Variants in MAP3K15 observed in about 807,000 individuals in gnomAD.
MAP3K15 encodes MAPK/ERK kinase kinase 15.
In MAP3K15, 124 loss-of-function variants were observed where a neutral mutation model predicts 99.5. That is an observed-to-expected ratio of 1.25 (90% CI 1.08 to 1.45). The LOEUF is 1.45. MAP3K15 is among the 40% of genes most tolerant of loss of function. The probability of loss-of-function intolerance (pLI) is 0.00; values close to 1 mark genes in which losing one functional copy is unlikely to be tolerated. For missense variants in MAP3K15, 1,242 were observed against 1,079.7 expected, an observed-to-expected ratio of 1.15 and a Z score of -2.11; for synonymous variants, 494 against 439.6, an observed-to-expected ratio of 1.12 and a Z score of -1.55.
chrX:19,419,110 C>T (rs1162475419), intron 9 of MAP3K15, among the ~76,000 whole-genome samples: 3 of 112,083 alleles, frequency 2.7e-5, no homozygotes, highest in Non-Finnish European at 3.8e-5. Context: ...ACCATCAAGG[C>T]TAGGAAGAAA....
chrX:19,419,754 C>T (rs1020182811), intron 9 of MAP3K15, among the ~76,000 whole-genome samples: 1 of 111,881 alleles, frequency 8.9e-6, no homozygotes, highest in African/African-American at 3.3e-5. Flanking sequence ...CAGCACCACA[C>T]TGCACTTATT....
chrX:19,431,711 C>A (rs1482814518), intron 6 of MAP3K15, 103 bp from the exon 7 acceptor site: 1 of 661,752 alleles, frequency 1.5e-6, no homozygotes, highest in Non-Finnish European at 2.2e-6. Context: ...TTTGGGAGGC[C>A]GAAGCGGGTA....
chrX:19,463,412 C>G (rs2064145021), intron 4 of MAP3K15, among the ~76,000 whole-genome samples: 1 of 112,044 alleles, frequency 8.9e-6, no homozygotes, highest in South Asian at 3.7e-4. Flanking sequence ...TCAGCTCTGC[C>G]AGTGTTTGGG....
intron 1 of MAP3K15, among the ~76,000 whole-genome samples, chrX:19,500,157 GA>G (rs1279085385): frequency 8.9e-6 from 1 of 111,879 alleles, no homozygotes; most frequent in Non-Finnish European, 1.9e-5. Context: ...TGAGGGAAGA[GA>G]ATCGCTTGAA....
intron 1 of MAP3K15, among the ~76,000 whole-genome samples, chrX:19,490,865 C>A (rs1292460599): frequency 1.8e-5 from 2 of 111,461 alleles, no homozygotes; most frequent in Non-Finnish European, 3.8e-5. Flanking sequence ...TTAAATTACG[C>A]TTAGTAGTAT....
At chrX:19,429,070 C>T (rs2063857370) in intron 7 of MAP3K15, among the ~76,000 whole-genome samples, 1 of 111,053 alleles carries the variant, frequency 9.0e-6, no homozygotes, top group African/African-American at 3.3e-5. Flanking sequence ...TTGGAAAACT[C>T]CTTAGGAACT....
Position 19,486,498 on chromosome X carries a change from AC to A in MAP3K15, c.508del (p.Val170Ter). On this transcript the variant is annotated frameshift_variant, in exon 3 of 29. Transcript: ENST00000338883. LOFTEE classifies it high-confidence loss of function. ...ADTALSLKDMVTQKNTASSGN... is the reference protein window; with the variant it reads ...ADTALSLKDMXTQKNTASSGN... ...AATACTTACTGTGTTTTTTTGAGTTACCATGTCCTGAAAAGAAAAAGAAAAG... is the reference window on the plus strand; with the variant it reads ...AATACTTACTGTGTTTTTTTGAGTTACATGTCCTGAAAAGAAAAAGAAAAG... 1.1e-6 allele frequency: 1 copy of A among 888,098 alleles called. No individual in the cohort carries two copies. The highest frequency in any genetic ancestry group is 1.5e-6 in the Non-Finnish European group (1 of 658,074). The allele number at this position is 888,098 out of a possible 1,213,427, so 73.2% of individuals were successfully genotyped here. A position where few individuals can be genotyped will look rare whatever the true frequency, so the allele number is the denominator to read the frequency against.
intron 9 of MAP3K15, among the ~76,000 whole-genome samples, chrX:19,417,695 T>C (rs2063748014): frequency 9.0e-6 from 1 of 111,513 alleles, no homozygotes; most frequent in East Asian, 2.8e-4. Context: ...AAGAGAGTAG[T>C]GGTTCTCCCA....
chrX:19,468,623 C>T (rs1401249045), intron 3 of MAP3K15, among the ~76,000 whole-genome samples: 1 of 111,805 alleles, frequency 8.9e-6, no homozygotes, highest in Non-Finnish European at 1.9e-5. Flanking sequence ...ATCATATGAA[C>T]TTTAAAGTAG....
intron 9 of MAP3K15, among the ~76,000 whole-genome samples, chrX:19,417,168 A>T (rs755935461): frequency 8.9e-6 from 1 of 112,239 alleles, no homozygotes; most frequent in African/African-American, 3.2e-5. Flanking sequence ...TACCAGGTAC[A>T]TCTCACTGGG....
intron 6 of MAP3K15, among the ~76,000 whole-genome samples, chrX:19,454,726 G>C (rs756481497): frequency 1.8e-5 from 2 of 112,033 alleles, no homozygotes; most frequent in Non-Finnish European, 3.8e-5. Flanking sequence ...ACAAAGTAAT[G>C]CCATAAACTC....
chrX:19,463,898 C>G (rs752501228), intron 4 of MAP3K15, among the ~76,000 whole-genome samples: 3 of 107,202 alleles, frequency 2.8e-5, no homozygotes, highest in Non-Finnish European at 3.8e-5. Flanking sequence ...TGAAAGAGAT[C>G]GTTAAAAAAA....
chrX:19,512,681 ACTC>A (rs1193037598), intron 1 of MAP3K15, among the ~76,000 whole-genome samples: 1 of 89,183 alleles, frequency 1.1e-5, no homozygotes, highest in African/African-American at 4.7e-5. Context: ...TTGGTCTTGA[ACTC>A]CTGTACTCAA....
Position 19,514,985 on chromosome X carries a change from C to A in MAP3K15, c.277G>T (p.Ala93Ser). ...ACGGAGGTGAGGTGAGCGCCCTCGGCCTCGCAGGCCCGCAGCAGGCACTGC... is the reference window on the plus strand; with the variant it reads ...ACGGAGGTGAGGTGAGCGCCCTCGGACTCGCAGGCCCGCAGCAGGCACTGC... ...ARQCLLRACE[A>S]EGAHLTSVPF... is the part of the protein sequence containing the mutation. Residue 93 changes from alanine (A) to serine (S), a missense_variant, in exon 1 of 29, where the codon GCC becomes TCC. Coordinates refer to ENST00000338883, the MANE Select transcript of MAP3K15 (RefSeq NM_001001671.4). 2 of 1,124,403 alleles carry A rather than the reference C, an allele frequency of 1.8e-6. No individual in the cohort carries two copies. The highest frequency in any genetic ancestry group is 2.3e-6 in the Non-Finnish European group (2 of 858,221). The allele number at this position is 1,124,403 out of a possible 1,213,427, so 92.7% of individuals were successfully genotyped here. A position where few individuals can be genotyped will look rare whatever the true frequency, so the allele number is the denominator to read the frequency against.
intron 6 of MAP3K15, among the ~76,000 whole-genome samples, chrX:19,434,216 G>C (rs1056042583): frequency 9.3e-6 from 1 of 107,871 alleles, no homozygotes; most frequent in Admixed American, 9.9e-5. Context: ...TTAATTTCTT[G>C]GTAATAGGTT....
chrX:19,445,323 G>A (rs1047070645), intron 6 of MAP3K15, among the ~76,000 whole-genome samples: 1 of 110,344 alleles, frequency 9.1e-6, no homozygotes, highest in Non-Finnish European at 1.9e-5. Context: ...AGGCATGGTG[G>A]CTCATGCCTG....
Position 19,490,220 on chromosome X carries a change from G to C in MAP3K15, c.362-1253C>G, listed in dbSNP as rs142261758. 6.2e-3 allele frequency among the ~76,000 whole-genome samples: 656 copies of C among 106,340 alleles called. 9 individuals carry two copies. The highest frequency in any genetic ancestry group is 0.029 in the South Asian group (71 of 2,436). The allele number at this position is 106,340 out of a possible 115,157, so 92.3% of individuals were successfully genotyped here. ...AAATTCCTTAACAGTATATTGCTCA[G>C]TTTTGCATGTCTTTGAACTTCATAT... On this transcript the variant is annotated intron_variant, in intron 1 of 28. Coordinates refer to ENST00000338883, the MANE Select transcript of MAP3K15 (RefSeq NM_001001671.4).
intron 6 of MAP3K15, among the ~76,000 whole-genome samples, chrX:19,438,211 G>C (rs1444472224): frequency 1.8e-5 from 2 of 111,564 alleles, no homozygotes; most frequent in South Asian, 3.8e-4. Context: ...CTGGGCTCAA[G>C]TGAAACTCCT....
At chrX:19,428,571 A>C (rs941745573) in intron 7 of MAP3K15, among the ~76,000 whole-genome samples, 5 of 112,594 alleles carry the variant, frequency 4.4e-5, no homozygotes, top group Non-Finnish European at 9.4e-5. Flanking sequence ...CAATGTAAGC[A>C]AGAATATGGT....
Sources: gnomAD v4.1 joint callset for allele counts (sites outside exome capture counted in the v4.1 genomes callset) on GRCh38, gnomAD v4.1.1 for gene constraint, MANE v1.5 for transcripts, NCBI Gene and HGNC (gene_info 2026-07-23, HGNC 2026-07-21) for gene names.